RYR2: variants seen among roughly 807,000 people sequenced by gnomAD.
RYR2 encodes the protein cardiac muscle ryanodine receptor-calcium release channel.
A neutral mutation model predicts 601.1 loss-of-function variants in RYR2; 227 were observed. That is an observed-to-expected ratio of 0.38 (90% confidence interval 0.34 to 0.42). The LOEUF (loss-of-function observed/expected upper bound fraction) is 0.42. RYR2 is among the 10% of genes least tolerant of loss of function. The pLI is 1.00. For missense variants in RYR2, 4,646 were observed against 6,156.5 expected (o/e 0.75, Z 8.21); for synonymous variants, 2,223 against 2,175.1 (o/e 1.02, Z -0.61).
chr1:237,326,643 C>T (rs1696202274), intron 2 of RYR2, among the ~76,000 whole-genome samples: 2 of 152,164 alleles, frequency 1.3e-5, no homozygotes, highest in African/African-American at 2.4e-5. Flanking sequence ...TTTGGGAGCA[C>T]ACTCATAGTA....
chr1:237,148,557 C>CACACATATATATATATATATAT (rs1674335419), intron 1 of RYR2, among the ~76,000 whole-genome samples: 1 of 107,896 alleles, frequency 9.3e-6, no homozygotes, highest in African/African-American at 3.3e-5. Context: ...TATATATACA[C>CACACATATATATATATATATAT]ACACACATAT....
At chr1:237,277,101 A>C (rs1690366969) in intron 2 of RYR2, among the ~76,000 whole-genome samples, 1 of 152,204 alleles carries the variant, frequency 6.6e-6, no homozygotes, top group Non-Finnish European at 1.5e-5. Context: ...GGAATCCAAG[A>C]ATAGCTCAAT....
chr1:237,198,951 T>C (rs574577111), intron 1 of RYR2, among the ~76,000 whole-genome samples: 39 of 152,256 alleles, frequency 2.6e-4, no homozygotes, highest in African/African-American at 8.7e-4. Context: ...TTTTCTTCAT[T>C]TGCACCAAGA....
At chr1:237,127,457 C>T (rs1319905941) in intron 1 of RYR2, among the ~76,000 whole-genome samples, 1 of 148,826 alleles carries the variant, frequency 6.7e-6, no homozygotes, top group Non-Finnish European at 1.5e-5. Context: ...GCTGGCCGGG[C>T]AGGGGGCTGA....
chr1:237,314,063 C>CTTTTTTTTT (rs397983391), intron 2 of RYR2, among the ~76,000 whole-genome samples: 1 of 82,336 alleles, frequency 1.2e-5, no homozygotes, highest in Non-Finnish European at 2.1e-5. Context: ...ACATGAATTT[C>CTTTTTTTTT]TTTTTTTTTT....
chr1:237,436,220 C>T (rs1007856510), intron 12 of RYR2, among the ~76,000 whole-genome samples: 10 of 152,020 alleles, frequency 6.6e-5, no homozygotes, highest in Admixed American at 5.2e-4. Flanking sequence ...AACCTCATTG[C>T]AGGAGTGATA....
At chr1:237,453,135 C>T (rs1202090246) in intron 14 of RYR2, among the ~76,000 whole-genome samples, 1 of 151,968 alleles carries the variant, frequency 6.6e-6, no homozygotes, top group Non-Finnish European at 1.5e-5. Flanking sequence ...AAAAATACTT[C>T]ACTGCATGTG....
intron 32 of RYR2, 39 bp downstream of exon 32, chr1:237,591,892 C>T (rs1361718753): frequency 7.0e-7 from 1 of 1,426,038 alleles, no homozygotes; most frequent in Non-Finnish European, 9.8e-7. Context: ...TTCTATCTGT[C>T]ACTCATTATG....
chr1:237,779,965 A>G (rs993860534), intron 88 of RYR2, among the ~76,000 whole-genome samples: 4 of 152,118 alleles, frequency 2.6e-5, no homozygotes, highest in African/African-American at 9.7e-5. Context: ...CTAACTGGCA[A>G]TTGTCAAAGT....
chr1:237,059,422 A>G lies in RYR2; in HGVS notation c.48+16853A>G, dbSNP rs184237794. 1.2e-4 allele frequency among the ~76,000 whole-genome samples: 19 copies of G among 152,198 alleles called. No individual in the cohort carries two copies. The East Asian group carries it at 3.7e-3, about 29-fold the overall frequency. ...CCCTCTTTTGCTTGTTGTTCATACC[A>G]CCAGGAGTCGAGAACTCTGCATAAC... On this transcript the variant is annotated intron_variant, in intron 1 of 104. Transcript: ENST00000366574.
At chr1:237,229,664 C>T (rs752635971) in intron 1 of RYR2, among the ~76,000 whole-genome samples, 11 of 152,168 alleles carry the variant, frequency 7.2e-5, no homozygotes, top group East Asian at 1.9e-4. Context: ...AAAGTGGCTG[C>T]GGGGGTGGGG....
chr1:237,660,673 C>T, intron 55 of RYR2, 137 bp from the exon 56 acceptor site: 1 of 735,468 alleles, frequency 1.4e-6, no homozygotes, highest in East Asian at 3.0e-5. Context: ...ATTTTACTTT[C>T]CTTTTTATAT....
At chr1:237,451,773 A>G (rs190816516) in intron 14 of RYR2, among the ~76,000 whole-genome samples, 4 of 152,168 alleles carry the variant, frequency 2.6e-5, no homozygotes, top group African/African-American at 7.2e-5. Context: ...ATTTTCACCC[A>G]TGTATTTTTC....
chr1:237,577,033 C>T (rs1351336125), intron 29 of RYR2, among the ~76,000 whole-genome samples: 1 of 152,184 alleles, frequency 6.6e-6, no homozygotes, highest in Non-Finnish European at 1.5e-5. Context: ...GGTCTCTCCA[C>T]TTTGGAAAAC....
chr1:237,398,662 A>G (rs1030303588), intron 10 of RYR2, among the ~76,000 whole-genome samples: 5 of 152,190 alleles, frequency 3.3e-5, no homozygotes, highest in Admixed American at 1.3e-4. Flanking sequence ...TGGTACAGCC[A>G]CTCTGGAAAA....
chr1:237,049,206 A>C (rs1391921366), intron 1 of RYR2, among the ~76,000 whole-genome samples: 1 of 152,188 alleles, frequency 6.6e-6, no homozygotes, highest in South Asian at 2.1e-4. Context: ...ATTAAGGATT[A>C]ATTGAGTCTG....
intron 29 of RYR2, among the ~76,000 whole-genome samples, chr1:237,585,092 T>C (rs1344467665): frequency 6.6e-6 from 1 of 152,172 alleles, no homozygotes; most frequent in Non-Finnish European, 1.5e-5. Flanking sequence ...GTTTACCTAC[T>C]GTCTATGGCT....
chr1:237,160,801 T>G (rs1675927757), intron 1 of RYR2, among the ~76,000 whole-genome samples: 1 of 152,140 alleles, frequency 6.6e-6, no homozygotes, highest in Non-Finnish European at 1.5e-5. Context: ...AAGAGTTGAT[T>G]CTGAAAATTG....
At position 237,106,778 on chromosome 1, in the gene RYR2, G is replaced by T. The variant is rs1668727192; in HGVS notation, c.48+64209G>T. Among the ~76,000 whole-genome samples, 1 of 152,194 alleles carries T rather than the reference G, an allele frequency of 6.6e-6. No homozygotes were observed. Among genetic ancestry groups the T allele is most frequent in the African/African-American group, 2.4e-5 (1 of 41,438 alleles). ...TCCTCACAGTTCTGGATGCTGGGAA[G>T]CCCAAGATCAGAGTGCCAGCAATTT... On this transcript the variant is annotated intron_variant, in intron 1 of 104. Coordinates refer to ENST00000366574, the MANE Select transcript of RYR2 (RefSeq NM_001035.3). This position sits in a 1 kb window ranked among gnomAD's most constrained non-coding sequence, Gnocchi z 4.4.
Sources: allele counts gnomAD v4.1 joint callset (sites outside exome capture counted in the v4.1 genomes callset), GRCh38; gene constraint gnomAD v4.1.1; non-coding constraint Gnocchi (gnomAD v3.1); transcripts MANE v1.5; gene names NCBI Gene and HGNC (gene_info 2026-07-23, HGNC 2026-07-21).